The following MAGEA11 variants were observed in gnomAD, a reference collection of about 807,000 sequenced individuals.
The protein encoded by MAGEA11 is MAGE family member A11.
A neutral mutation model predicts 8.4 loss-of-function variants in MAGEA11; 1 was observed. That is an observed-to-expected ratio of 0.12 (90% CI 0.04 to 0.57). The LOEUF (loss-of-function observed/expected upper bound fraction) is 0.57. Among genes scored for constraint, MAGEA11 ranks in the 20% least tolerant of loss-of-function variants. The pLI is 0.91. For missense variants in MAGEA11, 209 were observed against 317.3 expected (o/e 0.66, Z 2.59); for synonymous variants, 127 against 119.3 (o/e 1.06, Z -0.42).
At chrX:149,705,811 C>T (rs1409379826) in intron 1 of MAGEA11, among the ~76,000 whole-genome samples, 3 of 112,037 alleles carry the variant, frequency 2.7e-5, no homozygotes, top group Non-Finnish European at 5.6e-5. Flanking sequence ...TGTGTAACCA[C>T]ACAGGAGGCT....
rs782557635 is a variant in MAGEA11 at position 149,713,309 on chromosome X, G to A, written c.96+54G>A. On this transcript the variant is annotated intron_variant, in intron 2 of 4. Coordinates refer to ENST00000355220, the MANE Select transcript of MAGEA11 (RefSeq NM_005366.5). ...CCAAGGCACGGTGGCCACATGTGGT[G>A]CATCCTCACTCTGCCTTTGGGGTGT... is the stretch of plus-strand genomic sequence containing the variant. 45 of 787,969 alleles carry A rather than the reference G, an allele frequency of 5.7e-5. No individual in the cohort carries two copies. In the African/African-American group the frequency reaches 9.1e-4, roughly 16 times the overall value. The allele number at this position is 787,969 out of a possible 1,213,427, so 64.9% of individuals were successfully genotyped here. A position where few individuals can be genotyped will look rare whatever the true frequency, so the allele number is the denominator to read the frequency against.
intron 1 of MAGEA11, among the ~76,000 whole-genome samples, chrX:149,699,474 G>A (rs1268519444): frequency 8.9e-6 from 1 of 112,118 alleles, no homozygotes; most frequent in Non-Finnish European, 1.9e-5. Context: ...GACTTCAGCT[G>A]TAAAGTTAGT....
intron 3 of MAGEA11, 73 bp from the exon 4 acceptor site, chrX:149,715,531 C>A: frequency 1.3e-6 from 1 of 748,406 alleles, no homozygotes; most frequent in Non-Finnish European, 2.1e-6. Context: ...CTCACCTGCC[C>A]TACCTCAGTC....
At chrX:149,710,435 T>G (rs2090394644), upstream of MAGEA11, among the ~76,000 whole-genome samples, 1 of 110,873 alleles carries the variant, frequency 9.0e-6, no homozygotes, top group Admixed American at 9.6e-5. Context: ...CATCTGTTGG[T>G]TTTTGATTGT....
chrX:149,693,101 A>G (rs1247313373), intron 1 of MAGEA11, among the ~76,000 whole-genome samples: 1 of 112,549 alleles, frequency 8.9e-6, no homozygotes, highest in African/African-American at 3.2e-5. Flanking sequence ...TTTGTAATGT[A>G]GTCAGCAGTT....
chrX:149,711,689 C>A, upstream of MAGEA11: 1 of 245,136 alleles, frequency 4.1e-6, no homozygotes, highest in Non-Finnish European at 5.8e-6. Context: ...CCAGCTCGGT[C>A]CCTCCTGTCA....
At chrX:149,695,423 A>C (rs1470705882) in intron 1 of MAGEA11, among the ~76,000 whole-genome samples, 1 of 111,618 alleles carries the variant, frequency 9.0e-6, no homozygotes, top group Non-Finnish European at 1.9e-5. Flanking sequence ...AAAAAACAAA[A>C]AACCTTTTTG....
upstream of MAGEA11, chrX:149,711,961 C>A: frequency 1.7e-6 from 1 of 582,184 alleles, no homozygotes; most frequent in Non-Finnish European, 2.1e-6. Flanking sequence ...CCTCGCCCCG[C>A]CCCGCCTCGC....
chrX:149,701,155 G>T (rs1386976558), intron 1 of MAGEA11, among the ~76,000 whole-genome samples: 7 of 110,648 alleles, frequency 6.3e-5, no homozygotes, highest in South Asian at 3.9e-4. Context: ...ACTTCCACAA[G>T]GGTTGAACTA....
At position 149,716,194 on chromosome X, in the gene MAGEA11, G is replaced by A. The variant is rs782309655; in HGVS notation, c.708G>A (p.Lys236=). The A allele has an allele frequency of 7.4e-6, 9 of 1,210,372 alleles. No homozygotes were observed. In the South Asian group the frequency reaches 1.1e-4, roughly 14 times the overall value. ...ATTTGGTTCATTTATTGCTCCGCAAGTATCGAGTCAAGGGGCTGATCACAA... is the reference window on the plus strand; with the variant it reads ...ATTTGGTTCATTTATTGCTCCGCAAATATCGAGTCAAGGGGCTGATCACAA... ...IIDLVHLLLR[K]YRVKGLITKA... The change falls in exon 5 of 5, where the codon AAG becomes AAA. Residue 236 remains lysine, a synonymous_variant. Coordinates refer to ENST00000355220, the MANE Select transcript of MAGEA11 (RefSeq NM_005366.5).
chrX:149,711,633 G>T (rs782326448), upstream of MAGEA11: 1 of 114,725 alleles, frequency 8.7e-6, no homozygotes, highest in African/African-American at 3.2e-5. Flanking sequence ...ACCCTCCTGA[G>T]TGAGGACTGA....
rs781810670 is a variant in MAGEA11 at position 149,716,792 on chromosome X, A to G, written c.*16A>G. ...GGGAGTCTGAGCATGAGATGCAACC[A>G]GGGCCAGCGGGCAGGGAAATGGGCC... On this transcript the variant is annotated 3_prime_UTR_variant, in exon 5 of 5. Coordinates refer to ENST00000355220, the MANE Select transcript of MAGEA11 (RefSeq NM_005366.5). 4.3e-6 allele frequency: 5 copies of G among 1,174,371 alleles called. No homozygotes were observed. Among genetic ancestry groups the G allele is most frequent in the Non-Finnish European group, 2.3e-6 (2 of 875,602 alleles).
At chrX:149,712,341 C>T (rs1378453054) in intron 1 of MAGEA11, among the ~76,000 whole-genome samples, 179 bp downstream of exon 1, 1 of 111,852 alleles carries the variant, frequency 8.9e-6, no homozygotes, top group Non-Finnish European at 1.9e-5. Flanking sequence ...CGGGCAGAGG[C>T]AGTTCCATAA....
chrX:149,699,105 G>A (rs1431051967), intron 1 of MAGEA11, among the ~76,000 whole-genome samples: 2 of 111,949 alleles, frequency 1.8e-5, no homozygotes, highest in South Asian at 3.7e-4. Flanking sequence ...GCCTAATTAT[G>A]TATATCTCTT....
rs1387490867 is a variant in MAGEA11 at position 149,693,881 on chromosome X, G to A, written c.9+4897G>A. ...CATATTATTTTTAAACTTCATTCATGTGATAGCGTGTATCAGCACTTCATT... is the reference window on the plus strand; with the variant it reads ...CATATTATTTTTAAACTTCATTCATATGATAGCGTGTATCAGCACTTCATT... On this transcript the variant is annotated intron_variant, in intron 1 of 3. Coordinates refer to the MAGEA11 transcript ENST00000333104. Among the ~76,000 whole-genome samples the A allele has an allele frequency of 4.5e-5, 5 of 112,098 alleles. 1 individual carries two copies. The highest frequency in any genetic ancestry group is 5.6e-5 in the Non-Finnish European group (3 of 53,236).
chrX:149,702,375 A>G (rs2090358061), intron 1 of MAGEA11, among the ~76,000 whole-genome samples: 1 of 111,362 alleles, frequency 9.0e-6, no homozygotes, highest in African/African-American at 3.3e-5. Context: ...ATAATGTTTC[A>G]TATTTTTGAT....
chrX:149,688,451 C>T (rs2090295587), upstream of MAGEA11, among the ~76,000 whole-genome samples: 1 of 111,538 alleles, frequency 9.0e-6, no homozygotes, highest in East Asian at 2.8e-4. Flanking sequence ...CTTCTGAGGC[C>T]TAAAGCACTC....
At chrX:149,702,789 A>G (rs1424203881) in intron 1 of MAGEA11, among the ~76,000 whole-genome samples, 3 of 111,587 alleles carry the variant, frequency 2.7e-5, no homozygotes, top group Non-Finnish European at 5.6e-5. Context: ...TGAAAAATAT[A>G]TGTTTTTCTA....
intron 1 of MAGEA11, among the ~76,000 whole-genome samples, chrX:149,700,045 G>A (rs1351877299): frequency 3.6e-5 from 4 of 111,969 alleles, no homozygotes; most frequent in African/African-American, 1.3e-4. Flanking sequence ...AGCATGGGGG[G>A]ACCCTCCCCC....
Sources: allele counts gnomAD v4.1 joint callset (sites outside exome capture counted in the v4.1 genomes callset), GRCh38; gene constraint gnomAD v4.1.1; transcripts MANE v1.5; gene names NCBI Gene and HGNC (gene_info 2026-07-23, HGNC 2026-07-21).